Variants in WDPCP observed in about 807,000 individuals in gnomAD.
WDPCP encodes the protein WD repeat containing planar cell polarity effector.
WDPCP carries 71 observed loss-of-function variants against 93.1 expected under a neutral mutation model. The observed-to-expected ratio is 0.76, with a 90% CI of 0.63 to 0.93. The LOEUF is 0.93. Ranked by LOEUF, WDPCP falls within the 40% of genes least tolerant of loss-of-function variation. The probability of loss-of-function intolerance (pLI) is 0.00; values close to 1 mark genes in which losing one functional copy is unlikely to be tolerated. For missense variants in WDPCP, 844 were observed against 887.4 expected (o/e 0.95, Z 0.62); for synonymous variants, 315 against 315.0 (o/e 1.00, Z 0.00).
At chr2:63,333,540 G>C (rs1193015348) in intron 12 of WDPCP, among the ~76,000 whole-genome samples, 2 of 152,110 alleles carry the variant, frequency 1.3e-5, no homozygotes, top group African/African-American at 4.8e-5. Context: ...ATAAAACTTG[G>C]TCACCACAAT....
intron 17 of WDPCP, among the ~76,000 whole-genome samples, chr2:63,138,785 T>C (rs1670833231): frequency 6.6e-6 from 1 of 152,110 alleles, no homozygotes; most frequent in Non-Finnish European, 1.5e-5. Flanking sequence ...ATTTGGGAGA[T>C]TTTGGTGCAC....
At chr2:63,680,180 T>C (rs1710474940) in intron 2 of WDPCP, among the ~76,000 whole-genome samples, 1 of 152,196 alleles carries the variant, frequency 6.6e-6, no homozygotes, top group Non-Finnish European at 1.5e-5. Flanking sequence ...TGAACAACTA[T>C]CTATACAAAA....
chr2:63,400,657 G>A (rs1202047203), intron 10 of WDPCP, among the ~76,000 whole-genome samples: 4 of 152,066 alleles, frequency 2.6e-5, no homozygotes, highest in Non-Finnish European at 1.5e-5. Context: ...ATTTCATATG[G>A]AACCAAAAAG....
At chr2:63,532,985 T>C (rs1356733491) in intron 1 of WDPCP, among the ~76,000 whole-genome samples, 3 of 151,936 alleles carry the variant, frequency 2.0e-5, no homozygotes, top group Admixed American at 1.3e-4. Context: ...CAGAGACACA[T>C]ATAGACTCAA....
chr2:63,286,477 C>T (rs1684009217), intron 13 of WDPCP, among the ~76,000 whole-genome samples: 1 of 152,146 alleles, frequency 6.6e-6, no homozygotes, highest in Non-Finnish European at 1.5e-5. Context: ...TTGTGAGATC[C>T]ACCCCCTGCC....
intron 1 of WDPCP, among the ~76,000 whole-genome samples, chr2:63,575,556 A>AGT (rs1361514333): frequency 7.2e-6 from 1 of 139,446 alleles, no homozygotes. Context: ...TAGTATATAC[A>AGT]GTATATATAC....
intron 2 of WDPCP, chr2:63,752,124 C>A (rs1408839230): frequency 3.3e-6 from 2 of 610,076 alleles, no homozygotes; most frequent in Admixed American, 2.2e-5. Flanking sequence ...TGTGGCCATT[C>A]ACACGACGGT....
chr2:63,406,341 T>TTC (rs1694583661), intron 9 of WDPCP, among the ~76,000 whole-genome samples: 1 of 152,192 alleles, frequency 6.6e-6, no homozygotes, highest in African/African-American at 2.4e-5. Context: ...CTTCCCTCCC[T>TTC]CACACTCTTT....
intron 2 of WDPCP, among the ~76,000 whole-genome samples, chr2:63,661,936 T>TTG (rs1411920674): frequency 6.6e-6 from 1 of 152,140 alleles, no homozygotes; most frequent in Non-Finnish European, 1.5e-5. Context: ...GGTATATATG[T>TTG]TGTGCATAGG....
At chr2:63,513,682 T>C (rs761847269) in intron 1 of WDPCP, among the ~76,000 whole-genome samples, 21 of 152,218 alleles carry the variant, frequency 1.4e-4, no homozygotes, top group Non-Finnish European at 2.8e-4. Context: ...TCCTGCCCCA[T>C]ACTTCTAAGG....
chr2:63,594,180 T>G (rs1575720582), intron 3 of WDPCP: 19 of 504,210 alleles, frequency 3.8e-5, no homozygotes, highest in Non-Finnish European at 6.3e-5. Context: ...GCTGCCAGGG[T>G]TTGGATCACC....
chr2:63,314,481 C>G (rs1377319024), intron 12 of WDPCP, among the ~76,000 whole-genome samples: 5 of 152,062 alleles, frequency 3.3e-5, no homozygotes, highest in Admixed American at 3.3e-4. Flanking sequence ...TTCTTAGGAT[C>G]AAACTTAAAG....
At chr2:63,530,973 C>T (rs540930802) in intron 1 of WDPCP, among the ~76,000 whole-genome samples, 5 of 152,336 alleles carry the variant, frequency 3.3e-5, no homozygotes, top group East Asian at 1.9e-4. Context: ...CATGGGAAAT[C>T]GGGACACTCC....
At chr2:63,127,694 T>C (rs994167986) in intron 17 of WDPCP, among the ~76,000 whole-genome samples, 19 of 130,940 alleles carry the variant, frequency 1.5e-4, no homozygotes, top group East Asian at 9.0e-4. Flanking sequence ...TATATATATA[T>C]ACGCACACAC....
Position 63,334,822 on chromosome 2 carries a change from A to T in WDPCP, c.1749-21511T>A, listed in dbSNP as rs1248186837. ...CCTGCCTCCAATTTTATTCCTAAAT[A>T]GGACAGATACAAAGATTTTTAAAAG... On this transcript the variant is annotated intron_variant, in intron 12 of 17. Transcript: ENST00000272321. 3.8e-5 allele frequency among the ~76,000 whole-genome samples: 2 copies of T among 52,588 alleles called. 1 individual carries two copies. The highest frequency in any genetic ancestry group is 5.0e-3 in the East Asian group (2 of 400). The allele number at this position is 52,588 out of a possible 152,430, so 34.5% of individuals were successfully genotyped here. A position where few individuals can be genotyped will look rare whatever the true frequency, so the allele number is the denominator to read the frequency against.
At chr2:63,406,946 C>T (rs749648307) in intron 9 of WDPCP, among the ~76,000 whole-genome samples, 36 of 152,238 alleles carry the variant, frequency 2.4e-4, no homozygotes, top group Middle Eastern at 6.8e-3. Context: ...CTGTGGTTTT[C>T]TCAATTTCCT....
chr2:63,209,663 A>G (rs1180931258), intron 14 of WDPCP, among the ~76,000 whole-genome samples: 1 of 152,208 alleles, frequency 6.6e-6, no homozygotes, highest in Non-Finnish European at 1.5e-5. Context: ...CTTTCTGTTA[A>G]GAGAGGTTCC....
rs565433261 is a variant in WDPCP at position 63,263,631 on chromosome 2, G to A, written c.1813-4222C>T. 2.7e-4 allele frequency among the ~76,000 whole-genome samples: 41 copies of A among 152,242 alleles called. No homozygotes were observed. In the South Asian group the frequency reaches 4.4e-3, roughly 16 times the overall value. On this transcript the variant is annotated intron_variant, in intron 13 of 17. Transcript: ENST00000272321. ...GTATGCTGTTGTAGCAGCAGAAAAC[G>A]GATTAAGACAACAAATGTCTGGGAA...
chr2:63,681,184 C>T (rs1639154306), intron 2 of WDPCP, among the ~76,000 whole-genome samples: 1 of 152,260 alleles, frequency 6.6e-6, no homozygotes, highest in East Asian at 1.9e-4. Context: ...GGAACTTTGT[C>T]TTGCACTTTA....
Sources: gnomAD v4.1 joint callset for allele counts (sites outside exome capture counted in the v4.1 genomes callset) on GRCh38, gnomAD v4.1.1 for gene constraint, MANE v1.5 for transcripts, NCBI Gene and HGNC (gene_info 2026-07-23, HGNC 2026-07-21) for gene names.